Variants in MYOM2 observed in about 807,000 individuals in gnomAD.
MYOM2 encodes the protein myomesin-2.
Under a neutral mutation model 187.6 loss-of-function variants are expected in MYOM2, and 254 were observed. That is an observed-to-expected ratio of 1.35 (90% CI 1.22 to 1.50). MYOM2 has a LOEUF of 1.50. MYOM2 is among the 40% of genes most tolerant of loss of function. The probability of loss-of-function intolerance (pLI) is 0.00; values close to 1 mark genes in which losing one functional copy is unlikely to be tolerated. For missense variants in MYOM2, 2,796 were observed against 1,924.0 expected, an observed-to-expected ratio of 1.45 and a Z score of -8.48; for synonymous variants, 981 against 753.8, an observed-to-expected ratio of 1.30 and a Z score of -4.94.
intron 28 of MYOM2, among the ~76,000 whole-genome samples, chr8:2,118,243 G>C (rs1797312393): frequency 6.6e-6 from 1 of 152,208 alleles, no homozygotes; most frequent in Non-Finnish European, 1.5e-5. Flanking sequence ...TTATGAGAAA[G>C]TGTGCCCTGG....
At chr8:2,072,307 G>T (rs950922356) in intron 8 of MYOM2, 38 bp from the exon 9 acceptor site, 44 of 1,583,214 alleles carry the variant, frequency 2.8e-5, no homozygotes, top group Non-Finnish European at 3.4e-5. Context: ...CATGCTCTCT[G>T]CCCTTCGGCC....
rs1796996925 is a variant in MYOM2 at position 2,109,462 on chromosome 8, G to T, written c.3111G>T (p.Gln1037His). 1.9e-6 allele frequency: 3 copies of T among 1,613,360 alleles called. No individual in the cohort carries two copies. The highest frequency in any genetic ancestry group is 2.5e-6 in the Non-Finnish European group (3 of 1,179,648). The change falls in exon 25 of 37, where the codon CAG (glutamine) becomes CAT (histidine). Residue 1037 changes from glutamine (Q) to histidine (H), a missense_variant. By Grantham distance (24) the Gln-to-His change is conservative (BLOSUM62 0). Transcript: ENST00000262113. ...FDKGRVRFWL[Q>H]AEHLSPDASY... is the part of the protein sequence containing the mutation. ...AGGGGCGGGTTCGCTTCTGGCTCCA[G>T]GCTGAGCACTTATCACCAGATGCCA...
rs1819824649 is a variant in MYOM2 at position 2,085,552 on chromosome 8, CATGATCTCTGCGTGGCCCCACTGTT to C, written c.1644+163_1644+187del. Among the ~76,000 whole-genome samples, 9 of 24,428 alleles carry C rather than the reference CATGATCTCTGCGTGGCCCCACTGTT, an allele frequency of 3.7e-4. 2 individuals carry two copies. The highest frequency in any genetic ancestry group is 1.7e-3 in the African/African-American group (4 of 2,402). The allele number at this position is 24,428 out of a possible 152,430, so 16.0% of individuals were successfully genotyped here. A position where few individuals can be genotyped will look rare whatever the true frequency, so the allele number is the denominator to read the frequency against. ...TGTGATCTCTGCGTGGCCCCACTGT[CATGATCTCTGCGTGGCCCCACTGTT>C]GTGATCTCTGCGTGGCCCCACTGTC... is the stretch of plus-strand genomic sequence containing the variant. On this transcript the variant is annotated intron_variant, in intron 14 of 36. Coordinates refer to ENST00000262113, the MANE Select transcript of MYOM2 (RefSeq NM_003970.4).
chr8:2,125,184 C>G (rs1797593899), intron 31 of MYOM2, among the ~76,000 whole-genome samples: 1 of 152,210 alleles, frequency 6.6e-6, no homozygotes, highest in Non-Finnish European at 1.5e-5. Context: ...CAAAGCATCT[C>G]CCCCACGAGC....
At chr8:2,140,472 C>T (rs976348484) in intron 32 of MYOM2, among the ~76,000 whole-genome samples, 5 of 152,106 alleles carry the variant, frequency 3.3e-5, no homozygotes, top group Admixed American at 6.6e-5. Flanking sequence ...ATGTTAAGTC[C>T]ATTATGTCGT....
chr8:2,053,506 A>G (rs780791770), intron 3 of MYOM2, among the ~76,000 whole-genome samples: 2 of 152,188 alleles, frequency 1.3e-5, no homozygotes, highest in African/African-American at 2.4e-5. Flanking sequence ...ATATTGCATA[A>G]ACTTCCTATC....
Position 2,100,802 on chromosome 8 carries a change from C to T in MYOM2, c.2441-74C>T, listed in dbSNP as rs892199336. The stretch of plus-strand genomic sequence containing the variant: ...GGCTTCCCAGAGGAGCAGTGGGTCC[C>T]CGGGGCTGGGTTGGGCGGTGGGTGT... On this transcript the variant is annotated intron_variant, in intron 19 of 36. Coordinates refer to ENST00000262113, the MANE Select transcript of MYOM2 (RefSeq NM_003970.4). The T allele has an allele frequency of 4.7e-6, 7 of 1,497,746 alleles. No individual in the cohort carries two copies. In the South Asian group the frequency reaches 7.2e-5, roughly 15 times the overall value. The allele number at this position is 1,497,746 out of a possible 1,614,324, so 92.8% of individuals were successfully genotyped here.
intron 31 of MYOM2, among the ~76,000 whole-genome samples, chr8:2,128,581 TA>T (rs1446674266): frequency 2.6e-5 from 4 of 152,216 alleles, no homozygotes; most frequent in African/African-American, 9.6e-5. Context: ...TCTTCATTTT[TA>T]TTCCAAGTAC....
intron 8 of MYOM2, among the ~76,000 whole-genome samples, chr8:2,071,317 C>G (rs1819207429): frequency 6.6e-6 from 1 of 152,046 alleles, no homozygotes; most frequent in South Asian, 2.1e-4. Flanking sequence ...TTAAACTTCC[C>G]TACATGCATG....
Position 2,129,235 on chromosome 8 carries a change from A to T in MYOM2, c.3800+3A>T, listed in dbSNP as rs770408827. The T allele has an allele frequency of 6.2e-7, 1 of 1,601,428 alleles. No individual in the cohort carries two copies. Reference sequence around the variant, plus strand: ...ATGAAAGTGAACTGGTGTCACAAGTAAGTATGACAGCAGCCGATGGAGGCC... The same window carrying T: ...ATGAAAGTGAACTGGTGTCACAAGTTAGTATGACAGCAGCCGATGGAGGCC... On this transcript the variant is annotated splice_donor_region_variant and intron_variant, in intron 32 of 36. Transcript: ENST00000262113.
chr8:2,084,961 G>T, intron 13 of MYOM2: 1 of 354,610 alleles, frequency 2.8e-6, no homozygotes. Flanking sequence ...CGGGTGCAAT[G>T]CCTGGTTTCT....
Position 2,086,210 on chromosome 8 carries a change from TGTCATGATCTCTTTGTGGCCC to T in MYOM2, c.1644+821_1644+841del, listed in dbSNP as rs1796036536. 7.1e-4 allele frequency among the ~76,000 whole-genome samples: 27 copies of T among 37,864 alleles called. 6 individuals are homozygous for T. Among genetic ancestry groups the T allele is most frequent in the African/African-American group, 2.0e-3 (25 of 12,304 alleles). The allele number at this position is 37,864 out of a possible 152,430, so 24.8% of individuals were successfully genotyped here. On this transcript the variant is annotated intron_variant, in intron 14 of 36. Transcript: ENST00000262113. ...TGTCATGATCTCTGCGTGGCCCCACTGTCATGATCTCTTTGTGGCCCCCCACTGTTGTGATCTTTGCGTGGC... is the reference window on the plus strand; with the variant it reads ...TGTCATGATCTCTGCGTGGCCCCACTCCCACTGTTGTGATCTTTGCGTGGC...
chr8:2,078,711 GTTTTTCTTTT>G lies in MYOM2; in HGVS notation c.1263-19_1263-10del. The G allele has an allele frequency of 1.9e-6, 3 of 1,612,586 alleles. No homozygotes were observed. The highest frequency in any genetic ancestry group is 2.5e-6 in the Non-Finnish European group (3 of 1,178,904). ...GTTGCCACATTTGCTATTCTCTGTT[GTTTTTCTTTT>G]TTTAACTTGAAGATGTGAAGTAGGA... On this transcript the variant is annotated splice_polypyrimidine_tract_variant and intron_variant, in intron 11 of 36. Transcript: ENST00000262113.
chr8:2,118,576 G>A (rs1409967579), intron 28 of MYOM2, among the ~76,000 whole-genome samples: 1 of 152,212 alleles, frequency 6.6e-6, no homozygotes, highest in African/African-American at 2.4e-5. Context: ...AGCTGCGTGT[G>A]CCAAGGGGAC....
chr8:2,091,618 G>A (rs546157872), intron 15 of MYOM2, among the ~76,000 whole-genome samples: 1 of 152,196 alleles, frequency 6.6e-6, no homozygotes, highest in African/African-American at 2.4e-5. Context: ...ACAAGGTCAC[G>A]AGGCCGGCTG....
At chr8:2,104,582 G>A (rs1291401084) in intron 21 of MYOM2, among the ~76,000 whole-genome samples, 1 of 151,740 alleles carries the variant, frequency 6.6e-6, no homozygotes, top group East Asian at 1.9e-4. Context: ...TCTAGCCTGG[G>A]CAACGGAGCA....
chr8:2,115,411 A>G (rs1797207520), intron 25 of MYOM2, among the ~76,000 whole-genome samples: 1 of 152,196 alleles, frequency 6.6e-6, no homozygotes, highest in Non-Finnish European at 1.5e-5. Flanking sequence ...AATAAAATGA[A>G]ACATTTAAAA....
chr8:2,077,288 A>G (rs1287998596), intron 11 of MYOM2, among the ~76,000 whole-genome samples: 1 of 152,114 alleles, frequency 6.6e-6, no homozygotes, highest in Non-Finnish European at 1.5e-5. Context: ...CCAGCCTGGC[A>G]ACACAGTGAG....
chr8:2,098,843 C>A lies in MYOM2; in HGVS notation c.2314-14C>A. 6.2e-7 allele frequency: 1 copy of A among 1,603,050 alleles called. No individual in the cohort carries two copies. Among genetic ancestry groups the A allele is most frequent in the Non-Finnish European group, 8.5e-7 (1 of 1,171,786 alleles). The stretch of plus-strand genomic sequence containing the variant: ...CCTTTATCTCATGTATTAATTTAAA[C>A]AAAATCTGAATAGGTGGACGGCTTG... On this transcript the variant is annotated splice_polypyrimidine_tract_variant and intron_variant, in intron 18 of 36. Coordinates refer to ENST00000262113, the MANE Select transcript of MYOM2 (RefSeq NM_003970.4).
Sources: allele counts gnomAD v4.1 joint callset (sites outside exome capture counted in the v4.1 genomes callset), GRCh38; gene constraint gnomAD v4.1.1; transcripts MANE v1.5; gene names NCBI Gene and HGNC (gene_info 2026-07-23, HGNC 2026-07-21).